The following UBE2R2 variants were observed in gnomAD, a reference collection of about 807,000 sequenced individuals.
UBE2R2 encodes the protein ubiquitin conjugating enzyme E2 R2.
In UBE2R2, 1 loss-of-function variant was observed where a neutral mutation model predicts 27.8. The ratio of observed to expected loss-of-function variants is 0.04; its 90% CI spans 0.01 to 0.17. UBE2R2 has a LOEUF of 0.17. Ranked by LOEUF, UBE2R2 falls within the 10% of genes least tolerant of loss-of-function variation. The pLI, the probability that UBE2R2 is intolerant of heterozygous loss-of-function variation, is 1.00. For missense variants in UBE2R2, 100 were observed against 291.0 expected (o/e 0.34, Z 4.78); for synonymous variants, 106 against 113.3 (o/e 0.94, Z 0.41).
intron 2 of UBE2R2, among the ~76,000 whole-genome samples, chr9:33,887,557 A>G (rs1253698992): frequency 6.6e-6 from 1 of 152,228 alleles, no homozygotes; most frequent in Non-Finnish European, 1.5e-5. Context: ...GGATACTAGA[A>G]TAATGCATTC....
intron 1 of UBE2R2, among the ~76,000 whole-genome samples, chr9:33,832,722 AT>A (rs1454931705): frequency 2.0e-5 from 3 of 151,924 alleles, no homozygotes; most frequent in Admixed American, 2.0e-4. Context: ...CTTTAATTAA[AT>A]TTTTTCAAGG....
At position 33,818,366 on chromosome 9, in the gene UBE2R2, GGGGGGT is replaced by G. The variant is rs1253110120; in HGVS notation, c.177+449_177+454del. Among the ~76,000 whole-genome samples the G allele has an allele frequency of 1.3e-3, 194 of 143,868 alleles. 2 individuals carry two copies. Among genetic ancestry groups the G allele is most frequent in the African/African-American group, 3.9e-3 (153 of 39,036 alleles). 94.4% of individuals were successfully genotyped at this position (143,868 alleles called of 152,430 possible). A position where few individuals can be genotyped will look rare whatever the true frequency, so the allele number is the denominator to read the frequency against. ...CGACTGGATTGGACTTTTCTTTTTT[GGGGGGT>G]GGGGGTGGGGGTGGGGTGGGGGAGG... On this transcript the variant is annotated intron_variant, in intron 1 of 4. Coordinates refer to ENST00000263228, the MANE Select transcript of UBE2R2 (RefSeq NM_017811.4).
intron 1 of UBE2R2, among the ~76,000 whole-genome samples, chr9:33,843,394 AGTAGT>A (rs1820773326): frequency 6.6e-6 from 1 of 151,882 alleles, no homozygotes; most frequent in Admixed American, 6.6e-5. Flanking sequence ...TTACTTCATT[AGTAGT>A]AATGCAGCAA....
chr9:33,916,983 T>C, intron 4 of UBE2R2, 35 bp from the exon 5 acceptor site: 3 of 1,608,206 alleles, frequency 1.9e-6, no homozygotes, highest in South Asian at 1.1e-5. Context: ...AAAAAAGACT[T>C]ACCGTAAACC....
chr9:33,877,850 C>CTCTCTCT (rs1554675207), intron 1 of UBE2R2, among the ~76,000 whole-genome samples: 1 of 79,118 alleles, frequency 1.3e-5, no homozygotes, highest in Admixed American at 1.2e-4. Context: ...TCTCTCTCTC[C>CTCTCTCT]CACTCTCCCT....
At chr9:33,900,006 T>A (rs961943327) in intron 2 of UBE2R2, among the ~76,000 whole-genome samples, 168 bp from the exon 3 acceptor site, 6 of 152,246 alleles carry the variant, frequency 3.9e-5, no homozygotes, top group Admixed American at 3.9e-4. Context: ...TAAATACTTT[T>A]AAAATGCTTA....
chr9:33,865,172 GTCTGTCTC>G (rs772258416), intron 1 of UBE2R2, among the ~76,000 whole-genome samples: 3 of 150,744 alleles, frequency 2.0e-5, no homozygotes, highest in East Asian at 2.0e-4. Flanking sequence ...CTTCCTTTCT[GTCTGTCTC>G]TCTGTCTCTC....
At chr9:33,889,823 A>G (rs1821940419) in intron 2 of UBE2R2, among the ~76,000 whole-genome samples, 1 of 152,110 alleles carries the variant, frequency 6.6e-6, no homozygotes, top group Admixed American at 6.5e-5. Context: ...AGCTGGGACT[A>G]CAGGTGTGCA....
At chr9:33,898,447 A>C (rs1822172717) in intron 2 of UBE2R2, among the ~76,000 whole-genome samples, 1 of 151,256 alleles carries the variant, frequency 6.6e-6, no homozygotes, top group Admixed American at 6.6e-5. Flanking sequence ...GCAGTGTGTT[A>C]GAATATAATA....
chr9:33,819,723 C>T (rs1825933076), intron 1 of UBE2R2, among the ~76,000 whole-genome samples: 2 of 151,896 alleles, frequency 1.3e-5, no homozygotes, highest in South Asian at 4.1e-4. Context: ...ACTGCAACCT[C>T]CGCCTCCCAG....
intron 1 of UBE2R2, among the ~76,000 whole-genome samples, chr9:33,837,952 C>G (rs1319194924): frequency 3.3e-5 from 5 of 151,942 alleles, no homozygotes; most frequent in African/African-American, 1.2e-4. Flanking sequence ...ATATATATAG[C>G]TTATATAGAA....
intron 4 of UBE2R2, among the ~76,000 whole-genome samples, chr9:33,914,087 C>T (rs1822572468): frequency 6.6e-6 from 1 of 152,160 alleles, no homozygotes. Flanking sequence ...TGACCTAGTA[C>T]AGTACCTGAC....
upstream of UBE2R2, among the ~76,000 whole-genome samples, chr9:33,816,389 G>A (rs1825757544): frequency 2.0e-5 from 3 of 152,188 alleles, no homozygotes; most frequent in Non-Finnish European, 4.4e-5. Context: ...TGACCCCTAA[G>A]TTCAACCACA....
At chr9:33,859,009 A>T (rs1040488496) in intron 1 of UBE2R2, among the ~76,000 whole-genome samples, 1 of 151,898 alleles carries the variant, frequency 6.6e-6, no homozygotes, top group Non-Finnish European at 1.5e-5. Flanking sequence ...TATTTTTAGT[A>T]GAGACAGGGT....
At chr9:33,838,376 AT>A (rs1820660975) in intron 1 of UBE2R2, among the ~76,000 whole-genome samples, 1 of 149,714 alleles carries the variant, frequency 6.7e-6, no homozygotes. Flanking sequence ...ATATATATGT[AT>A]GTACATATAT....
chr9:33,853,965 G>A (rs1475909909), intron 1 of UBE2R2, among the ~76,000 whole-genome samples: 1 of 151,730 alleles, frequency 6.6e-6, no homozygotes, highest in Admixed American at 6.6e-5. Context: ...CAAAGTGCTG[G>A]GATTACAGGC....
Position 33,905,662 on chromosome 9 carries a change from C to T in UBE2R2, c.362+5391C>T, listed in dbSNP as rs555429658. Among the ~76,000 whole-genome samples the T allele has an allele frequency of 5.9e-5, 9 of 152,300 alleles. No homozygotes were observed. The South Asian group carries it at 1.9e-3, about 32-fold the overall frequency. On this transcript the variant is annotated intron_variant, in intron 3 of 4. Coordinates refer to ENST00000263228, the MANE Select transcript of UBE2R2 (RefSeq NM_017811.4). ...TTTATAATAATGTAAACCCGTTAAG[C>T]TACTATATTTTACCATCAGTTGCCC... is the stretch of plus-strand genomic sequence containing the variant.
intron 1 of UBE2R2, among the ~76,000 whole-genome samples, chr9:33,849,008 G>C (rs993925998): frequency 6.6e-6 from 1 of 151,916 alleles, no homozygotes; most frequent in Non-Finnish European, 1.5e-5. Flanking sequence ...TGTAATCCCA[G>C]TACTTTGGGA....
intron 1 of UBE2R2, among the ~76,000 whole-genome samples, chr9:33,845,043 A>G (rs1459497370): frequency 6.6e-6 from 1 of 152,140 alleles, no homozygotes; most frequent in Non-Finnish European, 1.5e-5. Context: ...TGCTGAGATT[A>G]TAGGTGTGAG....
Sources: gnomAD v4.1 joint callset for allele counts (sites outside exome capture counted in the v4.1 genomes callset) on GRCh38, gnomAD v4.1.1 for gene constraint, MANE v1.5 for transcripts, NCBI Gene and HGNC (gene_info 2026-07-23, HGNC 2026-07-21) for gene names.